COL21A1: variants seen among roughly 807,000 people sequenced by gnomAD.
COL21A1 encodes the protein collagen type XXI alpha 1 chain.
Under a neutral mutation model 137.9 loss-of-function variants are expected in COL21A1, and 149 were observed. The ratio of observed to expected loss-of-function variants is 1.08; its 90% confidence interval spans 0.95 to 1.24. The LOEUF (loss-of-function observed/expected upper bound fraction) is 1.24. COL21A1 is among the 50% of genes most tolerant of loss of function. The pLI is 0.00. For synonymous variants in COL21A1, 456 were observed against 391.5 expected (o/e 1.16, Z -1.95); for missense variants, 1,167 against 1,158.4 (o/e 1.01, Z -0.11).
rs1378167047 is a variant in COL21A1 at position 56,189,378 on chromosome 6, G to C, written c.-38-6722C>G. Among the ~76,000 whole-genome samples, 4 of 151,736 alleles carry C rather than the reference G, an allele frequency of 2.6e-5. No individual in the cohort carries two copies. The East Asian group carries it at 7.8e-4, about 30-fold the overall frequency. The stretch of plus-strand genomic sequence containing the variant: ...AGAAGAAAGGATATCAGAAATTGAA[G>C]ATCAACTTAATGAAATAAAGTGAAA... On this transcript the variant is annotated intron_variant, in intron 1 of 29. Transcript: ENST00000244728.
chr6:56,221,893 T>A (rs1028858524), intron 1 of COL21A1, among the ~76,000 whole-genome samples: 4 of 152,064 alleles, frequency 2.6e-5, no homozygotes, highest in Non-Finnish European at 5.9e-5. Flanking sequence ...TAAAAGCAAA[T>A]CGAGAAAGCT....
chr6:56,255,334 GGTGTGTGTGTGTGTGTGT>G (rs71783697), intron 1 of COL21A1, among the ~76,000 whole-genome samples: 1 of 145,594 alleles, frequency 6.9e-6, no homozygotes, highest in East Asian at 2.0e-4. Flanking sequence ...TTGTTAAGAG[GGTGTGTGTGTGTGTGTGT>G]GTGTGTGTGT....
intron 1 of COL21A1, among the ~76,000 whole-genome samples, chr6:56,261,874 G>A (rs1281787119): frequency 6.6e-6 from 1 of 152,138 alleles, no homozygotes; most frequent in Non-Finnish European, 1.5e-5. Flanking sequence ...GGAAGATGTG[G>A]TCTCTGATCA....
intron 1 of COL21A1, among the ~76,000 whole-genome samples, chr6:56,220,911 C>T (rs970052506): frequency 1.3e-5 from 2 of 152,052 alleles, no homozygotes; most frequent in African/African-American, 2.4e-5. Flanking sequence ...AAGGTGGAGC[C>T]CACAGTTTTA....
intron 22 of COL21A1, 141 bp downstream of exon 22, chr6:56,068,905 T>C (rs576882946): frequency 1.7e-5 from 11 of 636,664 alleles, no homozygotes; most frequent in South Asian, 1.7e-4. Flanking sequence ...GCTGAACATA[T>C]TATACATACA....
chr6:56,098,404 AAT>A (rs1203318472), intron 17 of COL21A1, among the ~76,000 whole-genome samples: 1 of 7,048 alleles, frequency 1.4e-4, no homozygotes, highest in Non-Finnish European at 2.1e-4. Flanking sequence ...TATATATATA[AAT>A]ATATATAAAT....
chr6:56,076,188 C>A (rs1269409968), intron 18 of COL21A1, among the ~76,000 whole-genome samples: 1 of 151,360 alleles, frequency 6.6e-6, no homozygotes, highest in Non-Finnish European at 1.5e-5. Flanking sequence ...TGAATGCTGG[C>A]CAGCCATGGA....
At chr6:56,083,111 G>A (rs1437906174) in intron 17 of COL21A1, among the ~76,000 whole-genome samples, 2 of 152,090 alleles carry the variant, frequency 1.3e-5, no homozygotes, top group East Asian at 3.9e-4. Context: ...AGTTCTGTGG[G>A]TCAGAAGTCC....
chr6:56,164,865 A>AAATTTGTAAATTAGGCTGAT, intron 7 of COL21A1, 43 bp from the exon 8 acceptor site: 2 of 1,340,136 alleles, frequency 1.5e-6, no homozygotes, highest in Non-Finnish European at 2.1e-6. Context: ...GTTTTAAATA[A>AAATTTGTAAATTAGGCTGAT]AATTTATAAA....
At position 56,086,812 on chromosome 6, in the gene COL21A1, A is replaced by G. The variant is rs142063896; in HGVS notation, c.1813-9239T>C. On this transcript the variant is annotated intron_variant, in intron 17 of 29. Coordinates refer to ENST00000244728, the MANE Select transcript of COL21A1 (RefSeq NM_030820.4). ...ACTATTTGCTTCAGTGTCAGTACCC[A>G]TATCATAGAAGTGTCCATGCCGTAA... is the stretch of plus-strand genomic sequence containing the variant. Among the ~76,000 whole-genome samples, 6 of 152,304 alleles carry G rather than the reference A, an allele frequency of 3.9e-5. No individual in the cohort carries two copies. In the East Asian group the frequency reaches 1.2e-3, roughly 29 times the overall value.
intron 10 of COL21A1, among the ~76,000 whole-genome samples, chr6:56,152,343 C>T (rs1246389717): frequency 1.3e-5 from 2 of 152,182 alleles, no homozygotes; most frequent in African/African-American, 4.8e-5. Flanking sequence ...GCCAATCTCC[C>T]ATCTCAAGAT....
At chr6:56,081,039 T>A (rs1767714270) in intron 17 of COL21A1, among the ~76,000 whole-genome samples, 1 of 151,766 alleles carries the variant, frequency 6.6e-6, no homozygotes, top group Non-Finnish European at 1.5e-5. Context: ...GGGAAAATAA[T>A]AAAACCTATC....
intron 1 of COL21A1, among the ~76,000 whole-genome samples, chr6:56,349,338 GC>G (rs970633844): frequency 1.8e-5 from 2 of 109,630 alleles, no homozygotes; most frequent in African/African-American, 3.0e-5. Context: ...ATAAAGACCC[GC>G]CCCCCTGAAA....
At chr6:56,284,572 A>T (rs1017084501) in intron 1 of COL21A1, among the ~76,000 whole-genome samples, 3 of 152,104 alleles carry the variant, frequency 2.0e-5, no homozygotes, top group Non-Finnish European at 4.4e-5. Flanking sequence ...CTAGTGCAAT[A>T]GCCTCCTAAC....
intron 16 of COL21A1, among the ~76,000 whole-genome samples, chr6:56,110,590 G>A (rs1276733772): frequency 6.6e-6 from 1 of 151,716 alleles, no homozygotes; most frequent in Non-Finnish European, 1.5e-5. Context: ...AGAAAAACCT[G>A]AGAAATCAAC....
intron 9 of COL21A1, among the ~76,000 whole-genome samples, 192 bp from the exon 10 acceptor site, chr6:56,157,141 T>C (rs1312207970): frequency 6.6e-6 from 1 of 151,902 alleles, no homozygotes; most frequent in Non-Finnish European, 1.5e-5. Context: ...GAACTTTCAA[T>C]GATTTATTTA....
chr6:56,163,106 A>G (rs1776305625), intron 9 of COL21A1, among the ~76,000 whole-genome samples: 1 of 152,220 alleles, frequency 6.6e-6, no homozygotes. Flanking sequence ...AAAGAATTAA[A>G]TTATCTTGGA....
chr6:56,320,126 T>C (rs1287025903), intron 1 of COL21A1, among the ~76,000 whole-genome samples: 2 of 152,260 alleles, frequency 1.3e-5, no homozygotes, highest in East Asian at 3.9e-4. Flanking sequence ...CCCCAAATTA[T>C]GTCTCACATA....
intron 12 of COL21A1, among the ~76,000 whole-genome samples, chr6:56,129,678 G>T (rs1023212815): frequency 1.5e-5 from 1 of 65,090 alleles, no homozygotes; most frequent in African/African-American, 6.4e-5. Flanking sequence ...GTGCGTGCGT[G>T]TGTGTGTGTG....
Sources: gnomAD v4.1 joint callset for allele counts (sites outside exome capture counted in the v4.1 genomes callset) on GRCh38, gnomAD v4.1.1 for gene constraint, MANE v1.5 for transcripts, NCBI Gene and HGNC (gene_info 2026-07-23, HGNC 2026-07-21) for gene names.